Variants in ZFHX3 observed in about 807,000 individuals in gnomAD.
The protein encoded by ZFHX3 is zinc finger homeobox 3, also known as zinc finger homeobox protein 3.
In ZFHX3, 42 loss-of-function variants were observed where a neutral mutation model predicts 279.1. The ratio of observed to expected loss-of-function variants is 0.15; its 90% CI spans 0.12 to 0.19. The LOEUF is 0.19. ZFHX3 is among the 10% of genes least tolerant of loss of function. ZFHX3 has a pLI of 1.00. For synonymous variants in ZFHX3, 2,293 were observed against 1,957.8 expected (o/e 1.17, Z -4.52); for missense variants, 4,981 against 4,754.0 (o/e 1.05, Z -1.40).
rs757346850 is a variant in ZFHX3, at chr16:72,787,731, G to GCCGCCA, written c.10539_10544dup (p.Gly3526_Gly3527dup). On this transcript the variant is annotated inframe_insertion, in exon 10 of 10. Transcript: ENST00000268489. ...CGCCGCCGCCGCCACCGCCGCCGCCGCCGCCACTGCCACCGCCGCCGCCGC... is the reference window on the plus strand; with the variant it reads ...CGCCGCCGCCGCCACCGCCGCCGCCGCCGCCACCGCCACTGCCACCGCCGCCGCCGC... The GCCGCCA allele has an allele frequency of 1.9e-5, 27 of 1,394,260 alleles. No individual in the cohort carries two copies. Among genetic ancestry groups the GCCGCCA allele is most frequent in the South Asian group, 8.3e-5 (4 of 48,480 alleles). The allele number at this position is 1,394,260 out of a possible 1,614,324, so 86.4% of individuals were successfully genotyped here.
At chr16:73,241,445 G>A (rs1159742898) in intron 5 of ZFHX3, among the ~76,000 whole-genome samples, 3 of 152,182 alleles carry the variant, frequency 2.0e-5, no homozygotes, top group African/African-American at 7.2e-5. Context: ...CAGGCATGCA[G>A]AGTGGACTGA....
chr16:72,907,810 A>G (rs1442033499), intron 3 of ZFHX3, among the ~76,000 whole-genome samples: 1 of 151,550 alleles, frequency 6.6e-6, no homozygotes, highest in African/African-American at 2.4e-5. Flanking sequence ...CTGCCTCCAG[A>G]GTAGCTGGGA....
rs1455061571 is a variant in ZFHX3 at position 72,959,438 on chromosome 16, C to T, written c.708G>A (p.Val236=). 44 of 1,614,244 alleles carry T rather than the reference C, an allele frequency of 2.7e-5. No homozygotes were observed. The highest frequency in any genetic ancestry group is 3.4e-5 in the Non-Finnish European group (40 of 1,180,036). Residue 236 remains valine, a synonymous_variant, in exon 2 of 10, where the codon GTG becomes GTA. Coordinates refer to ENST00000268489, the MANE Select transcript of ZFHX3 (RefSeq NM_006885.4). ...GGTAATCCTTGTTGCTTTTGTGTCG[C>T]ACGTCAAACACGCGGAAGCTGTGCA... ...PVLHSFRVFD[V]RHKSNKDYLN... is the part of the protein sequence containing the mutation.
At chr16:73,741,215 C>A (rs2053655065) in intron 1 of ZFHX3, among the ~76,000 whole-genome samples, 1 of 151,702 alleles carries the variant, frequency 6.6e-6, no homozygotes, top group African/African-American at 2.4e-5. Flanking sequence ...AAAAAATGGG[C>A]CACCTTTTAT....
At chr16:73,823,217 C>G (rs1480872769) in intron 1 of ZFHX3, among the ~76,000 whole-genome samples, 1 of 152,038 alleles carries the variant, frequency 6.6e-6, no homozygotes, top group Non-Finnish European at 1.5e-5. Flanking sequence ...TAGGCTAAGA[C>G]CTTACACCAA....
intron 1 of ZFHX3, among the ~76,000 whole-genome samples, chr16:73,770,222 A>T (rs1012377034): frequency 5.9e-5 from 9 of 152,252 alleles, no homozygotes; most frequent in Non-Finnish European, 1.3e-4. Flanking sequence ...AATCAGAGTC[A>T]GAGTGATGTA....
At chr16:73,371,971 G>C (rs142294608) in intron 3 of ZFHX3, among the ~76,000 whole-genome samples, 1 of 152,156 alleles carries the variant, frequency 6.6e-6, no homozygotes, top group Admixed American at 6.5e-5. Context: ...TCAGTGCTGC[G>C]TTCACATGCA....
chr16:72,922,966 G>A (rs1959234405), intron 3 of ZFHX3, among the ~76,000 whole-genome samples: 1 of 152,056 alleles, frequency 6.6e-6, no homozygotes, highest in Non-Finnish European at 1.5e-5. Flanking sequence ...CTGCTAGAAG[G>A]ACTCGACGAA....
At chr16:73,723,615 G>A (rs2053494434) in intron 1 of ZFHX3, among the ~76,000 whole-genome samples, 1 of 152,080 alleles carries the variant, frequency 6.6e-6, no homozygotes, top group African/African-American at 2.4e-5. Context: ...CATAAAAATA[G>A]GACTGGGGAA....
chr16:73,739,590 G>A (rs1016769448), intron 1 of ZFHX3, among the ~76,000 whole-genome samples: 1 of 152,172 alleles, frequency 6.6e-6, no homozygotes, highest in African/African-American at 2.4e-5. Flanking sequence ...TCCATGCCTG[G>A]TGAGTCAGTG....
At chr16:73,461,602 A>G (rs897205255) in intron 2 of ZFHX3, among the ~76,000 whole-genome samples, 4 of 152,182 alleles carry the variant, frequency 2.6e-5, no homozygotes, top group African/African-American at 7.2e-5. Flanking sequence ...TTGTTTACCT[A>G]TGGAAGTCCA....
chr16:73,317,241 G>A lies in ZFHX3; in HGVS notation c.-1194+999C>T, dbSNP rs113002236. 2.1e-3 allele frequency among the ~76,000 whole-genome samples: 295 copies of A among 138,528 alleles called. 1 individual carries two copies. Among genetic ancestry groups the A allele is most frequent in the African/African-American group, 7.6e-3 (281 of 36,788 alleles). The allele number at this position is 138,528 out of a possible 152,430, so 90.9% of individuals were successfully genotyped here. ...GAAGCTCCCAAGATGAGACTTCCAT[G>A]TTCCAGGGCCGCTTTCCCTTTAAAC... On this transcript the variant is annotated intron_variant, in intron 4 of 17. Transcript: ENST00000641206.
chr16:73,727,091 G>A (rs1008406957), intron 1 of ZFHX3, among the ~76,000 whole-genome samples: 5 of 152,184 alleles, frequency 3.3e-5, no homozygotes, highest in Admixed American at 2.0e-4. Context: ...CCTCCACAGG[G>A]GTGGATGTGG....
chr16:73,605,715 A>G (rs1316441131), intron 2 of ZFHX3, among the ~76,000 whole-genome samples: 1 of 152,040 alleles, frequency 6.6e-6, no homozygotes, highest in African/African-American at 2.4e-5. Context: ...GAGAGAAAGA[A>G]TGATGTCGTG....
chr16:73,654,183 C>CAA (rs35720246), intron 2 of ZFHX3, among the ~76,000 whole-genome samples: 2,982 of 88,854 alleles, frequency 0.034, 54 homozygotes, highest in Non-Finnish European at 0.05. Flanking sequence ...GACTCAGTCT[C>CAA]AAAAAAAAAA....
chr16:72,878,057 G>A (rs1461901589), intron 4 of ZFHX3, among the ~76,000 whole-genome samples: 1 of 151,880 alleles, frequency 6.6e-6, no homozygotes, highest in African/African-American at 2.4e-5. Context: ...AGGTGTGGTG[G>A]TGCATGCCTG....
intron 2 of ZFHX3, among the ~76,000 whole-genome samples, chr16:73,479,895 C>G (rs1252048116): frequency 6.6e-6 from 1 of 152,120 alleles, no homozygotes. Context: ...GAGGACATGC[C>G]TATTAGTAAC....
intron 2 of ZFHX3, among the ~76,000 whole-genome samples, chr16:73,655,382 A>G (rs1315836937): frequency 6.6e-6 from 1 of 152,214 alleles, no homozygotes; most frequent in Non-Finnish European, 1.5e-5. Flanking sequence ...GTACATGTAG[A>G]AAATCCAAAC....
intron 3 of ZFHX3, among the ~76,000 whole-genome samples, chr16:73,351,441 G>T (rs367730400): frequency 2.6e-5 from 4 of 152,184 alleles, no homozygotes; most frequent in African/African-American, 9.6e-5. Flanking sequence ...GCATTTAAAC[G>T]CTGCTGGTCA....
Sources: allele counts gnomAD v4.1 joint callset (sites outside exome capture counted in the v4.1 genomes callset), GRCh38; gene constraint gnomAD v4.1.1; transcripts MANE v1.5; gene names NCBI Gene and HGNC (gene_info 2026-07-23, HGNC 2026-07-21).